STKLD1: variants seen among roughly 807,000 people sequenced by gnomAD.
The protein encoded by STKLD1 is serine/threonine kinase-like domain-containing protein STKLD1.
Under a neutral mutation model 80.4 loss-of-function variants are expected in STKLD1, and 79 were observed. That is an observed-to-expected ratio of 0.98 (90% confidence interval 0.82 to 1.19). The LOEUF (loss-of-function observed/expected upper bound fraction) is 1.19. STKLD1 is among the 50% of genes most tolerant of loss of function. STKLD1 has a pLI of 0.00. For missense variants in STKLD1, 841 were observed against 856.0 expected, an observed-to-expected ratio of 0.98 and a Z score of 0.22; for synonymous variants, 393 against 357.6, an observed-to-expected ratio of 1.10 and a Z score of -1.12.
Position 133,389,440 on chromosome 9 carries a change from C to T in STKLD1, c.397-86C>T. On this transcript the variant is annotated intron_variant, in intron 5 of 17. Transcript: ENST00000371957. This position sits in a 1 kb window ranked among gnomAD's most constrained non-coding sequence, Gnocchi z 6.4. ...AAGATGCAAGGAGAGGATACACCAC[C>T]ATCCTGCTGGCTGCTCTGAGTGTCA... 2.6e-6 allele frequency: 4 copies of T among 1,552,678 alleles called. No individual in the cohort carries two copies. The highest frequency in any genetic ancestry group is 3.5e-6 in the Non-Finnish European group (4 of 1,148,862).
In STKLD1 at chr9:133,395,671, A is replaced by G; in HGVS notation, c.774A>G (p.Thr258=). 1 of 1,613,424 alleles carries G rather than the reference A, an allele frequency of 6.2e-7. No homozygotes were observed. ...GCAGCCTGAAGGCCGTCCTGAAGAC[A>G]ATGGAGGAGAAGCAGATCCCGGATG... The part of the protein sequence containing the change: ...SPGSLKAVLK[T]MEEKQIPDVE... The change falls in exon 9 of 18, where the codon ACA becomes ACG. Residue 258 remains threonine, a synonymous_variant. Coordinates refer to ENST00000371957, the MANE Select transcript of STKLD1 (RefSeq NM_153710.5).
At position 133,405,586 on chromosome 9, in the gene STKLD1, C is replaced by T. The variant is rs1338057173; in HGVS notation, c.*165C>T. The stretch of plus-strand genomic sequence containing the variant: ...CCTGTCCATGACTGCTGGATTGAGT[C>T]ACATGAGTAACTGCTCCTGGACCCG... On this transcript the variant is annotated 3_prime_UTR_variant, in exon 18 of 18. Transcript: ENST00000371957. The T allele has an allele frequency of 6.6e-6, 4 of 610,226 alleles. No individual in the cohort carries two copies. Among genetic ancestry groups the T allele is most frequent in the South Asian group, 2.8e-5 (1 of 35,286 alleles). 37.8% of individuals were successfully genotyped at this position (610,226 alleles called of 1,614,324 possible).
intron 9 of STKLD1, chr9:133,396,024 C>A: frequency 3.3e-6 from 1 of 304,560 alleles, no homozygotes; most frequent in Non-Finnish European, 6.0e-6. Flanking sequence ...ACCCACGACA[C>A]TTTTAGGGTT....
chr9:133,397,387 A>G, intron 10 of STKLD1, 93 bp downstream of exon 10: 1 of 1,536,796 alleles, frequency 6.5e-7, no homozygotes, highest in Non-Finnish European at 8.8e-7. Flanking sequence ...TTCATTATTT[A>G]TGCCCCTGGC....
At position 133,403,313 on chromosome 9, in the gene STKLD1, G is replaced by A. The variant is rs28515960; in HGVS notation, c.1474+301G>A. ...CCAGGGAAATGTCCTGGGATTTTCC[G>A]GGCAGTCCTGGTTCCAGAGGGCAGC... On this transcript the variant is annotated intron_variant, in intron 14 of 17. Transcript: ENST00000371957. Among the ~76,000 whole-genome samples, 725 of 151,818 alleles carry A rather than the reference G, an allele frequency of 4.8e-3. 10 individuals are homozygous for A. The East Asian group carries it at 0.055, about 12-fold the overall frequency.
chr9:133,377,417 A>T (rs1207975929), intron 1 of STKLD1, among the ~76,000 whole-genome samples: 3 of 152,180 alleles, frequency 2.0e-5, no homozygotes, highest in Non-Finnish European at 1.5e-5. Context: ...GTAATCCCCA[A>T]CACTTTGGGA....
chr9:133,390,689 A>G lies in STKLD1; in HGVS notation c.476A>G (p.Lys159Arg). ...CCACCTCTTGGTTTCAGGAATCTCA[A>G]ACCCTCCAACATCATCCTCATCAGC... ...HHLDIIHRNL[K>R]PSNIILISSD... Residue 159 changes from lysine to arginine, a missense_variant, in exon 7 of 18, where the codon AAA becomes AGA. Transcript: ENST00000371957. The surrounding 1 kb of genome is among the most constrained non-coding windows in gnomAD (Gnocchi z 5.1). The G allele has an allele frequency of 6.2e-7, 1 of 1,613,454 alleles. No individual in the cohort carries two copies. The highest frequency in any genetic ancestry group is 1.1e-5 in the South Asian group (1 of 91,008).
chr9:133,400,424 C>T lies in STKLD1; in HGVS notation c.1093C>T (p.Pro365Ser), dbSNP rs373297034. The T allele has an allele frequency of 4.3e-6, 7 of 1,612,050 alleles. No individual in the cohort carries two copies. Among genetic ancestry groups the T allele is most frequent in the South Asian group, 1.1e-5 (1 of 91,072 alleles). The change falls in exon 12 of 18, where the codon CCC (proline) becomes TCC (serine). Residue 365 changes from proline (P) to serine (S), a missense_variant. Transcript: ENST00000371957. ...GCCCGCCCTGCCAGGTCTGCCGTGG[C>T]CCCCGGAGCTGGTGGAGGTGGTGGT... ...MPADQLGLPWPPELVEVVVTT... is the reference protein window; with the variant it reads ...MPADQLGLPWSPELVEVVVTT...
chr9:133,382,129 G>A (rs894140081), intron 2 of STKLD1, among the ~76,000 whole-genome samples: 3 of 152,116 alleles, frequency 2.0e-5, no homozygotes, highest in Admixed American at 1.3e-4. Flanking sequence ...ACCTCCACCC[G>A]GAGAGGGCAC....
rs2130280331 is a variant in STKLD1 at position 133,387,667 on chromosome 9, C to T, written c.396+119C>T. Reference sequence around the variant, plus strand: ...CCATGGAGTCCAGCCTTGTTTTTTTCTTAAATGTGTGCCTCGAGGCATTGC... The same window carrying T: ...CCATGGAGTCCAGCCTTGTTTTTTTTTTAAATGTGTGCCTCGAGGCATTGC... On this transcript the variant is annotated intron_variant, in intron 5 of 17. Transcript: ENST00000371957. The T allele has an allele frequency of 8.8e-6, 7 of 795,790 alleles. No individual in the cohort carries two copies. The Admixed American group carries it at 9.8e-5, about 11-fold the overall frequency. 49.3% of individuals were successfully genotyped at this position (795,790 alleles called of 1,614,324 possible). A position where few individuals can be genotyped will look rare whatever the true frequency, so the allele number is the denominator to read the frequency against.
chr9:133,379,316 A>G (rs149804817), intron 2 of STKLD1, among the ~76,000 whole-genome samples, 194 bp downstream of exon 2: 1 of 152,200 alleles, frequency 6.6e-6, no homozygotes, highest in East Asian at 1.9e-4. Context: ...TGGGGAAGCA[A>G]TGCTAATTTT....
chr9:133,398,114 C>T (rs371132192), intron 11 of STKLD1, 59 bp downstream of exon 11: 55 of 1,538,270 alleles, frequency 3.6e-5, no homozygotes, highest in African/African-American at 5.4e-5. Flanking sequence ...AGCTATGGTC[C>T]GGCCTGTGGG....
rs782021833 is a variant in STKLD1, at chr9:133,400,540, A to T, written c.1198+11A>T. 7 of 1,603,384 alleles carry T rather than the reference A, an allele frequency of 4.4e-6. No homozygotes were observed. The highest frequency in any genetic ancestry group is 6.0e-6 in the Non-Finnish European group (7 of 1,172,476). On this transcript the variant is annotated intron_variant, in intron 12 of 17. Coordinates refer to ENST00000371957, the MANE Select transcript of STKLD1 (RefSeq NM_153710.5). Reference sequence around the variant, plus strand: ...ACCTCCTGGGCCAAGGTGGGTGCCAAACCAGGCCAGATGGGGTCGGGGAGG... The same window carrying T: ...ACCTCCTGGGCCAAGGTGGGTGCCATACCAGGCCAGATGGGGTCGGGGAGG...
chr9:133,394,000 C>T, intron 7 of STKLD1: 1 of 379,360 alleles, frequency 2.6e-6, no homozygotes, highest in Non-Finnish European at 4.8e-6. Context: ...CTTCTACAGC[C>T]ATCCAGGGCA....
At chr9:133,388,079 T>C (rs2130281660) in intron 5 of STKLD1, among the ~76,000 whole-genome samples, 35 of 152,336 alleles carry the variant, frequency 2.3e-4, no homozygotes, top group African/African-American at 6.7e-4. Flanking sequence ...CTCACTTTTC[T>C]GGGATGAATA....
chr9:133,388,312 G>A (rs1427135711), intron 5 of STKLD1, among the ~76,000 whole-genome samples: 3 of 152,002 alleles, frequency 2.0e-5, no homozygotes, highest in Non-Finnish European at 4.4e-5. Context: ...GCAGTGGCAC[G>A]ACCTTGGCTC....
At chr9:133,402,304 G>A (rs899766200) in intron 13 of STKLD1, among the ~76,000 whole-genome samples, 30 of 152,152 alleles carry the variant, frequency 2.0e-4, no homozygotes, top group African/African-American at 7.0e-4. Context: ...CCCACAAATC[G>A]GGTGGGCACT....
At position 133,379,254 on chromosome 9, in the gene STKLD1, G is replaced by A. The variant is rs1838077192; in HGVS notation, c.174+132G>A. 2.2e-5 allele frequency: 16 copies of A among 720,246 alleles called. No individual in the cohort carries two copies. In the East Asian group the frequency reaches 4.5e-4, roughly 20 times the overall value. The allele number at this position is 720,246 out of a possible 1,614,324, so 44.6% of individuals were successfully genotyped here. A position where few individuals can be genotyped will look rare whatever the true frequency, so the allele number is the denominator to read the frequency against. ...ATTCCTCGCTGCTGACACTTGCGGA[G>A]ACTAATCTGGTTGGGGTAGATGTGG... is the stretch of plus-strand genomic sequence containing the variant. On this transcript the variant is annotated intron_variant, in intron 2 of 17. Transcript: ENST00000371957.
chr9:133,405,331 GGTGA>G lies in STKLD1; in HGVS notation c.1958_1961del (p.Ser653ThrfsTer67), dbSNP rs868276358. Reference sequence around the variant, plus strand: ...TCAAGGAGCGCTTCACCTCCAGCCTGGTGAGTGACAGCAGCGCCTTCAGCAAACC... The same window carrying G: ...TCAAGGAGCGCTTCACCTCCAGCCTGGTGACAGCAGCGCCTTCAGCAAACC... On this transcript the variant is annotated frameshift_variant, in exon 18 of 18. Coordinates refer to ENST00000371957, the MANE Select transcript of STKLD1 (RefSeq NM_153710.5). LOFTEE classifies it low-confidence loss of function (END_TRUNC). The G allele has an allele frequency of 1.9e-6, 3 of 1,612,916 alleles. No individual in the cohort carries two copies. The highest frequency in any genetic ancestry group is 2.5e-6 in the Non-Finnish European group (3 of 1,179,938).
Sources: allele counts gnomAD v4.1 joint callset (sites outside exome capture counted in the v4.1 genomes callset), GRCh38; gene constraint gnomAD v4.1.1; non-coding constraint Gnocchi (gnomAD v3.1); transcripts MANE v1.5; gene names NCBI Gene and HGNC (gene_info 2026-07-23, HGNC 2026-07-21).